The following TBCEL variants were observed in gnomAD, a reference collection of about 807,000 sequenced individuals.
TBCEL encodes the protein tubulin folding cofactor E like, also known as tubulin-specific chaperone cofactor E-like protein.
TBCEL carries 15 observed loss-of-function variants against 44.2 expected under a neutral mutation model. The ratio of observed to expected loss-of-function variants is 0.34; its 90% confidence interval spans 0.23 to 0.52. TBCEL has a LOEUF of 0.52. TBCEL is among the 20% of genes least tolerant of loss of function. The pLI is 0.95. For missense variants in TBCEL, 319 were observed against 506.3 expected, an observed-to-expected ratio of 0.63 and a Z score of 3.55; for synonymous variants, 171 against 185.4, an observed-to-expected ratio of 0.92 and a Z score of 0.63.
chr11:121,036,064 G>C (rs1018369928), intron 1 of TBCEL: 12 of 152,108 alleles, frequency 7.9e-5, no homozygotes, highest in Admixed American at 7.9e-4. Flanking sequence ...GACTTAGCAC[G>C]CTGGTAAGGC....
At chr11:121,043,815 G>A (rs1591387993) in intron 2 of TBCEL, among the ~76,000 whole-genome samples, 1 of 152,072 alleles carries the variant, frequency 6.6e-6, no homozygotes, top group African/African-American at 2.4e-5. Context: ...AGTGACTATT[G>A]TCTTATTGTC....
intron 1 of TBCEL, chr11:121,035,127 T>C (rs988490861): frequency 2.6e-5 from 4 of 152,192 alleles, no homozygotes; most frequent in Non-Finnish European, 4.4e-5. Flanking sequence ...ATGATGGTAG[T>C]AGTAATAGGG....
At chr11:121,063,667 AT>A (rs921013291) in intron 8 of TBCEL, among the ~76,000 whole-genome samples, 8 of 152,240 alleles carry the variant, frequency 5.3e-5, no homozygotes, top group African/African-American at 1.7e-4. Flanking sequence ...TGATGCTCTC[AT>A]TTTTCTACAC....
intron 1 of TBCEL, among the ~76,000 whole-genome samples, chr11:121,034,269 A>G (rs576513245): frequency 6.6e-6 from 1 of 152,302 alleles, no homozygotes; most frequent in Non-Finnish European, 1.5e-5. Flanking sequence ...GTTCTGAAGT[A>G]TGTTATAAAT....
intron 2 of TBCEL, among the ~76,000 whole-genome samples, chr11:121,037,442 A>G (rs900341462): frequency 3.3e-5 from 5 of 152,228 alleles, no homozygotes; most frequent in African/African-American, 1.2e-4. Context: ...ATACTTCAGG[A>G]TAAATGAAAT....
chr11:121,027,361 C>G (rs917157125), intron 1 of TBCEL, among the ~76,000 whole-genome samples: 2 of 152,136 alleles, frequency 1.3e-5, no homozygotes, highest in African/African-American at 2.4e-5. Context: ...CTGGACTGTT[C>G]CCATTGTCTT....
chr11:121,026,738 A>T (rs555620151), intron 1 of TBCEL, among the ~76,000 whole-genome samples: 6 of 152,264 alleles, frequency 3.9e-5, no homozygotes, highest in Non-Finnish European at 8.8e-5. Flanking sequence ...CCTCTTAATC[A>T]GGGAAATATT....
At chr11:121,086,466 A>G (rs893439983) in intron 8 of TBCEL, among the ~76,000 whole-genome samples, 1 of 152,218 alleles carries the variant, frequency 6.6e-6, no homozygotes, top group Non-Finnish European at 1.5e-5. Context: ...CAAGTTCTAC[A>G]GAGAGATTGA....
At chr11:121,062,447 T>C (rs933911071) in intron 8 of TBCEL, among the ~76,000 whole-genome samples, 4 of 152,302 alleles carry the variant, frequency 2.6e-5, no homozygotes, top group African/African-American at 7.2e-5. Context: ...AGTAAGTTTG[T>C]TTATACCAGC....
chr11:121,045,648 T>C, intron 2 of TBCEL, 26 bp from the exon 3 acceptor site: 6 of 1,527,108 alleles, frequency 3.9e-6, no homozygotes, highest in Non-Finnish European at 5.3e-6. Context: ...AATTACATAA[T>C]TTGATTATTT....
chr11:121,086,287 C>A (rs1946215085), intron 8 of TBCEL, among the ~76,000 whole-genome samples: 1 of 152,192 alleles, frequency 6.6e-6, no homozygotes, highest in Non-Finnish European at 1.5e-5. Flanking sequence ...TCAAACAAGG[C>A]ATCTCTGAAA....
At chr11:121,030,916 C>T (rs1418277052) in intron 1 of TBCEL, among the ~76,000 whole-genome samples, 6 of 150,992 alleles carry the variant, frequency 4.0e-5, no homozygotes, top group Non-Finnish European at 7.4e-5. Context: ...TATTTTTCTG[C>T]CCTGTGTGAA....
intron 1 of TBCEL, among the ~76,000 whole-genome samples, chr11:121,033,483 A>C (rs1210002904): frequency 6.6e-6 from 1 of 152,186 alleles, no homozygotes; most frequent in Non-Finnish European, 1.5e-5. Context: ...GTATTTATTG[A>C]GACTTGCCTG....
At chr11:121,033,951 T>C (rs903902929) in intron 1 of TBCEL, among the ~76,000 whole-genome samples, 2 of 152,170 alleles carry the variant, frequency 1.3e-5, no homozygotes, top group East Asian at 1.9e-4. Flanking sequence ...GGTTTATATA[T>C]GTTGTAGCAT....
At chr11:121,026,773 G>A (rs1945053975) in intron 1 of TBCEL, among the ~76,000 whole-genome samples, 1 of 149,516 alleles carries the variant, frequency 6.7e-6, no homozygotes, top group African/African-American at 2.5e-5. Context: ...TAGCTTTAAT[G>A]AATGTTTAAA....
intron 1 of TBCEL, among the ~76,000 whole-genome samples, chr11:121,033,413 G>T (rs1342567394): frequency 6.6e-6 from 1 of 152,072 alleles, no homozygotes; most frequent in Non-Finnish European, 1.5e-5. Context: ...ATTGATAAAG[G>T]ATTCCAAGAA....
chr11:121,048,212 C>A lies in TBCEL; in HGVS notation c.273+545C>A, dbSNP rs1945468037. ...TTCAATATTTATTACTGAAAATTGA[C>A]ATAAAATTGTTGAAACTGAGAATAT... is the stretch of plus-strand genomic sequence containing the variant. On this transcript the variant is annotated intron_variant, in intron 4 of 8. Transcript: ENST00000683345. Among the ~76,000 whole-genome samples the A allele has an allele frequency of 2.0e-5, 3 of 151,696 alleles. 1 individual carries two copies. In the South Asian group the frequency reaches 6.2e-4, roughly 31 times the overall value.
chr11:121,032,114 G>A (rs1036359075), intron 1 of TBCEL, among the ~76,000 whole-genome samples: 5 of 152,100 alleles, frequency 3.3e-5, no homozygotes, highest in African/African-American at 9.7e-5. Context: ...CATATTTTAT[G>A]TGGAGGTGAA....
chr11:121,030,731 C>G (rs1365764960), intron 1 of TBCEL, among the ~76,000 whole-genome samples: 1 of 152,190 alleles, frequency 6.6e-6, no homozygotes, highest in African/African-American at 2.4e-5. Context: ...AAGGATACCA[C>G]TATTCTGAAT....
Sources: gnomAD v4.1 joint callset for allele counts (sites outside exome capture counted in the v4.1 genomes callset) on GRCh38, gnomAD v4.1.1 for gene constraint, MANE v1.5 for transcripts, NCBI Gene and HGNC (gene_info 2026-07-23, HGNC 2026-07-21) for gene names.